Variants in KIAA1755 observed in about 807,000 individuals in gnomAD.
KIAA1755 encodes the protein uncharacterized protein KIAA1755.
Under a neutral mutation model 91.7 loss-of-function variants are expected in KIAA1755, and 68 were observed. The observed-to-expected ratio is 0.74, with a 90% CI of 0.61 to 0.91. KIAA1755 has a LOEUF of 0.91. Among genes scored for constraint, KIAA1755 ranks in the 40% least tolerant of loss-of-function variants. The probability of loss-of-function intolerance (pLI) is 0.00; values close to 1 mark genes in which losing one functional copy is unlikely to be tolerated. For missense variants in KIAA1755, 1,535 were observed against 1,494.4 expected, an observed-to-expected ratio of 1.03 and a Z score of -0.45; for synonymous variants, 610 against 604.6, an observed-to-expected ratio of 1.01 and a Z score of -0.13.
intron 1 of KIAA1755, among the ~76,000 whole-genome samples, chr20:38,249,758 A>G (rs2076215548): frequency 6.6e-6 from 1 of 151,990 alleles, no homozygotes; most frequent in Admixed American, 6.6e-5. Flanking sequence ...TTGGCAGAAC[A>G]GGGAAGGTCT....
Position 38,212,762 on chromosome 20 carries a change from A to G in KIAA1755, c.*280T>C, listed in dbSNP as rs975868570. 8.6e-6 allele frequency: 3 copies of G among 350,792 alleles called. No individual in the cohort carries two copies. Among genetic ancestry groups the G allele is most frequent in the African/African-American group, 4.1e-5 (2 of 49,268 alleles). 21.7% of individuals were successfully genotyped at this position (350,792 alleles called of 1,614,324 possible). On this transcript the variant is annotated 3_prime_UTR_variant, in exon 14 of 14. Transcript: ENST00000279024. ...GGGGTCTGTGCCGACAGGTCTTTCC[A>G]CAATGAGAGCCTGGAGGGATGGAGC...
In KIAA1755 at chr20:38,241,829, C is replaced by T. The variant is rs145701234; in HGVS notation, c.302G>A (p.Arg101His). The T allele has an allele frequency of 7.1e-5, 114 of 1,613,994 alleles. No homozygotes were observed. Among genetic ancestry groups the T allele is most frequent in the East Asian group, 3.1e-4 (14 of 44,894 alleles). Residue 101 changes from arginine (R) to histidine (H), a missense_variant, in exon 3 of 14, where the codon CGC becomes CAC. Physicochemically the swap from Arg to His is conservative, Grantham distance 29. Coordinates refer to ENST00000279024, the MANE Select transcript of KIAA1755 (RefSeq NM_001029864.2). The part of the protein sequence containing the change: ...HLAPLNPLLL[R>H]QGDFYLQVEP... ...CACTTGGAGGTAGAAGTCACCCTGG[C>T]GCAATAAGAGAGGGTTGAGGGGTGC...
At chr20:38,227,026 G>T in intron 7 of KIAA1755, 128 bp downstream of exon 7, 1 of 630,434 alleles carries the variant, frequency 1.6e-6, no homozygotes, top group Non-Finnish European at 2.8e-6. Flanking sequence ...CGTATTTATT[G>T]CCTTACACTA....
intron 8 of KIAA1755, among the ~76,000 whole-genome samples, chr20:38,225,154 T>A (rs1444248688): frequency 6.6e-6 from 1 of 152,112 alleles, no homozygotes; most frequent in African/African-American, 2.4e-5. Context: ...CCACCATGCC[T>A]GGCTAACTTT....
intron 1 of KIAA1755, among the ~76,000 whole-genome samples, chr20:38,252,818 C>T (rs1465960173): frequency 1.3e-5 from 2 of 152,174 alleles, no homozygotes; most frequent in African/African-American, 4.8e-5. Context: ...TTGGCCAGCA[C>T]ATTACCCACT....
In KIAA1755 at chr20:38,213,678, C is replaced by G; in HGVS notation, c.2967G>C (p.Arg989Ser). Reference sequence around the variant, plus strand: ...GGCGGCGCTGGTCCCCAGGACTGACCCTTGAGGTCTTGTCCAGCCTGAGCT... The same window carrying G: ...GGCGGCGCTGGTCCCCAGGACTGACGCTTGAGGTCTTGTCCAGCCTGAGCT... ...MAQLRLDKTS[R>S]VSPGDQRRLH... The change falls in exon 14 of 14, where the codon AGG becomes AGC. Residue 989 changes from arginine to serine, a missense_variant. By Grantham distance (110) the Arg-to-Ser change is moderately radical. Coordinates refer to ENST00000279024, the MANE Select transcript of KIAA1755 (RefSeq NM_001029864.2). 6.3e-7 allele frequency: 1 copy of G among 1,579,668 alleles called. No individual in the cohort carries two copies. The highest frequency in any genetic ancestry group is 8.6e-7 in the Non-Finnish European group (1 of 1,162,476).
intron 1 of KIAA1755, among the ~76,000 whole-genome samples, chr20:38,247,077 C>T (rs772523073): frequency 2.0e-5 from 3 of 152,182 alleles, no homozygotes; most frequent in African/African-American, 4.8e-5. Flanking sequence ...GAAAACTGGG[C>T]CCAGGACCCA....
intron 8 of KIAA1755, among the ~76,000 whole-genome samples, chr20:38,225,294 GC>G (rs1777815434): frequency 6.6e-6 from 1 of 152,158 alleles, no homozygotes. Flanking sequence ...GAATCACAGC[GC>G]CCGGCCCTGT....
At chr20:38,242,394 T>C (rs2076085714) in intron 2 of KIAA1755, among the ~76,000 whole-genome samples, 1 of 152,226 alleles carries the variant, frequency 6.6e-6, no homozygotes, top group Non-Finnish European at 1.5e-5. Flanking sequence ...TAATAATACA[T>C]GTCAGTATTA....
chr20:38,215,983 G>T (rs1179658205), intron 13 of KIAA1755, among the ~76,000 whole-genome samples: 1 of 152,192 alleles, frequency 6.6e-6, no homozygotes, highest in Admixed American at 6.5e-5. Flanking sequence ...GTGACCCTGG[G>T]TGAGTTATCT....
At chr20:38,260,333 G>C in intron 1 of KIAA1755, 165 bp downstream of exon 1, 1 of 1,562,212 alleles carries the variant, frequency 6.4e-7, no homozygotes, top group Non-Finnish European at 8.7e-7. Flanking sequence ...TCCTGCCCTT[G>C]AACCCCTGCT....
At chr20:38,217,559 G>A (rs1003881714) in intron 12 of KIAA1755, 85 bp from the exon 13 acceptor site, 2 of 965,652 alleles carry the variant, frequency 2.1e-6, no homozygotes, top group South Asian at 1.5e-5. Context: ...CAGCTGCCTT[G>A]CTGGCGAGCC....
At chr20:38,258,870 G>T (rs961052314) in intron 1 of KIAA1755, among the ~76,000 whole-genome samples, 1 of 152,218 alleles carries the variant, frequency 6.6e-6, no homozygotes, top group African/African-American at 2.4e-5. Context: ...TTGACAGGGG[G>T]CAGACCAGTG....
In KIAA1755 at chr20:38,241,066, C is replaced by G. The variant is rs755952060; in HGVS notation, c.1065G>C (p.Lys355Asn). The change falls in exon 3 of 14, where the codon AAG becomes AAC. Residue 355 changes from lysine (K) to asparagine (N), a missense_variant. Lys to Asn is a moderately conservative substitution (Grantham distance 94). Coordinates refer to ENST00000279024, the MANE Select transcript of KIAA1755 (RefSeq NM_001029864.2). ...TGTGGGTGGGTGCTTTAAGATTGAC[C>G]TTTCTCCTGAAGCCCAAATTATAGG... ...ERPYNLGFRR[K>N]VNLKAPTHNS... is the part of the protein sequence containing the mutation. 1.2e-6 allele frequency: 2 copies of G among 1,614,148 alleles called. No homozygotes were observed. The highest frequency in any genetic ancestry group is 1.1e-5 in the South Asian group (1 of 91,090).
intron 5 of KIAA1755, among the ~76,000 whole-genome samples, chr20:38,230,151 A>G (rs11907785): frequency 0.034 from 5,114 of 152,274 alleles, 122 homozygotes; most frequent in Middle Eastern, 0.14. Flanking sequence ...TTCCCCAGCC[A>G]GTCCATTAAG....
chr20:38,259,492 C>T (rs1229984477), intron 1 of KIAA1755, among the ~76,000 whole-genome samples: 2 of 148,376 alleles, frequency 1.3e-5, no homozygotes, highest in African/African-American at 2.5e-5. Flanking sequence ...TGCATGTGTA[C>T]GTGTGTGTGA....
At chr20:38,217,974 T>C (rs1458815531) in intron 12 of KIAA1755, 10 of 492,708 alleles carry the variant, frequency 2.0e-5, no homozygotes, top group South Asian at 1.6e-4. Context: ...TCTGTGAGGC[T>C]GAGTTATTAG....
chr20:38,215,559 C>A (rs547443416), intron 13 of KIAA1755, among the ~76,000 whole-genome samples: 109 of 152,328 alleles, frequency 7.2e-4, no homozygotes, highest in African/African-American at 2.4e-3. Context: ...GAGAGAGAAC[C>A]AGAGTGGGCA....
intron 11 of KIAA1755, 98 bp from the exon 12 acceptor site, chr20:38,218,464 A>G (rs2075593416): frequency 2.0e-6 from 3 of 1,507,682 alleles, no homozygotes; most frequent in Admixed American, 1.9e-5. Flanking sequence ...TTCTGTCTTC[A>G]CTCATTCAGT....
Sources: gnomAD v4.1 joint callset for allele counts (sites outside exome capture counted in the v4.1 genomes callset) on GRCh38, gnomAD v4.1.1 for gene constraint, MANE v1.5 for transcripts, NCBI Gene and HGNC (gene_info 2026-07-23, HGNC 2026-07-21) for gene names.